Variants in SLC24A2 observed in about 807,000 individuals in gnomAD.
SLC24A2 encodes the protein solute carrier family 24 member 2.
Under a neutral mutation model 62.0 loss-of-function variants are expected in SLC24A2, and 36 were observed. That is an observed-to-expected ratio of 0.58 (90% CI 0.44 to 0.77). SLC24A2 has a LOEUF of 0.77. Ranked by LOEUF, SLC24A2 falls within the 30% of genes least tolerant of loss-of-function variation. The pLI is 0.00. For missense variants in SLC24A2, 846 were observed against 817.9 expected, an observed-to-expected ratio of 1.03 and a Z score of -0.42; for synonymous variants, 358 against 294.0, an observed-to-expected ratio of 1.22 and a Z score of -2.23.
the SLC24A2 span, among the ~76,000 whole-genome samples, chr9:19,913,931 C>G: frequency 6.6e-6 from 1 of 151,752 alleles, no homozygotes; most frequent in Admixed American, 6.6e-5. Flanking sequence ...TACTGTATCC[C>G]AAACCAACCT....
chr9:20,039,142 G>C, the SLC24A2 span, among the ~76,000 whole-genome samples: 4 of 152,214 alleles, frequency 2.6e-5, no homozygotes, highest in African/African-American at 9.6e-5. Context: ...TGGTGTGGTG[G>C]AAAGACGCTG....
the SLC24A2 span, among the ~76,000 whole-genome samples, chr9:20,223,720 G>T: frequency 6.6e-6 from 1 of 152,080 alleles, no homozygotes; most frequent in Non-Finnish European, 1.5e-5. Flanking sequence ...CTTACAAATT[G>T]GTAAGGATAA....
the SLC24A2 span, among the ~76,000 whole-genome samples, chr9:20,051,084 A>G: frequency 6.6e-6 from 1 of 152,288 alleles, no homozygotes; most frequent in East Asian, 1.9e-4. Flanking sequence ...CTAAAAGACA[A>G]AGATTGTCAG....
At chr9:20,014,517 T>TAC in the SLC24A2 span, among the ~76,000 whole-genome samples, 111 of 148,458 alleles carry the variant, frequency 7.5e-4, no homozygotes, top group African/African-American at 1.5e-3. Flanking sequence ...TATATATATA[T>TAC]ACACACACAC....
At chr9:20,037,448 A>G in the SLC24A2 span, among the ~76,000 whole-genome samples, 1 of 152,150 alleles carries the variant, frequency 6.6e-6, no homozygotes. Context: ...TTGATGCACA[A>G]TTAGGTTGAT....
At chr9:19,712,569 G>C (rs768175996) in intron 2 of SLC24A2, among the ~76,000 whole-genome samples, 5 of 152,126 alleles carry the variant, frequency 3.3e-5, no homozygotes, top group Non-Finnish European at 7.3e-5. Context: ...AGTCTTGCCT[G>C]TTACCCTATG....
intron 4 of SLC24A2, among the ~76,000 whole-genome samples, chr9:19,600,889 A>G (rs1836823310): frequency 1.3e-5 from 2 of 152,182 alleles, no homozygotes; most frequent in Admixed American, 1.3e-4. Context: ...AAGGATTTTT[A>G]AAGAAAAACA....
At chr9:20,157,918 A>G in the SLC24A2 span, among the ~76,000 whole-genome samples, 3 of 151,554 alleles carry the variant, frequency 2.0e-5, no homozygotes, top group Admixed American at 1.3e-4. Context: ...AATCAAATCT[A>G]AAAAAGCAAC....
At chr9:20,288,158 C>T in the SLC24A2 span, among the ~76,000 whole-genome samples, 1 of 152,150 alleles carries the variant, frequency 6.6e-6, no homozygotes. Context: ...TAGTGACTTG[C>T]AACCATCATC....
At chr9:20,057,094 T>C in the SLC24A2 span, among the ~76,000 whole-genome samples, 4 of 152,230 alleles carry the variant, frequency 2.6e-5, no homozygotes, top group Non-Finnish European at 5.9e-5. Context: ...CCCAAGTGGG[T>C]ATATGTGTGT....
At chr9:19,789,725 C>T (rs1193408828), upstream of SLC24A2, among the ~76,000 whole-genome samples, 1 of 152,192 alleles carries the variant, frequency 6.6e-6, no homozygotes, top group African/African-American at 2.4e-5. Context: ...AGACTAGAAT[C>T]TGGGCCAAAG....
chr9:20,303,080 CTT>C, the SLC24A2 span, among the ~76,000 whole-genome samples: 1 of 152,052 alleles, frequency 6.6e-6, no homozygotes, highest in African/African-American at 2.4e-5. Flanking sequence ...TCTTATCACA[CTT>C]TTAAAAATAT....
At chr9:19,528,692 G>A (rs931068246) in intron 8 of SLC24A2, among the ~76,000 whole-genome samples, 1 of 152,018 alleles carries the variant, frequency 6.6e-6, no homozygotes, top group Non-Finnish European at 1.5e-5. Flanking sequence ...CACAGAAAAA[G>A]CCACCACCAC....
chr9:19,935,600 T>C, the SLC24A2 span, among the ~76,000 whole-genome samples: 1 of 152,218 alleles, frequency 6.6e-6, no homozygotes, highest in Admixed American at 6.5e-5. Flanking sequence ...CTTGTGTGTG[T>C]CCTCAGGACG....
chr9:19,693,807 A>C (rs921920974), intron 2 of SLC24A2, among the ~76,000 whole-genome samples: 6 of 151,986 alleles, frequency 3.9e-5, no homozygotes, highest in Admixed American at 3.9e-4. Flanking sequence ...ATTTTTTAAA[A>C]ATAACTTCTT....
intron 2 of SLC24A2, among the ~76,000 whole-genome samples, chr9:19,741,400 G>A (rs1457028320): frequency 6.6e-6 from 1 of 152,184 alleles, no homozygotes; most frequent in Non-Finnish European, 1.5e-5. Flanking sequence ...TCGTCCCAGA[G>A]GTTGCATTGC....
the SLC24A2 span, among the ~76,000 whole-genome samples, chr9:20,112,116 C>T: frequency 6.6e-6 from 1 of 152,088 alleles, no homozygotes; most frequent in African/African-American, 2.4e-5. Flanking sequence ...ATTGGAGCCT[C>T]ATTTGTTAGC....
At chr9:20,177,329 C>T in the SLC24A2 span, among the ~76,000 whole-genome samples, 11,292 of 152,154 alleles carry the variant, frequency 0.074, 521 homozygotes, top group Non-Finnish European at 0.1. Context: ...GTATTTACTT[C>T]GCCTTTTTTC....
At chr9:19,644,224 G>A (rs1818580018) in intron 2 of SLC24A2, among the ~76,000 whole-genome samples, 1 of 152,170 alleles carries the variant, frequency 6.6e-6, no homozygotes, top group South Asian at 2.1e-4. Context: ...TAGAATTGCT[G>A]ATTTCTGCTC....
Sources: allele counts gnomAD v4.1 joint callset (sites outside exome capture counted in the v4.1 genomes callset), GRCh38; gene constraint gnomAD v4.1.1; transcripts MANE v1.5; gene names NCBI Gene and HGNC (gene_info 2026-07-23, HGNC 2026-07-21).